The following GALNT13 variants were observed in gnomAD, a reference collection of about 807,000 sequenced individuals.
GALNT13 encodes polypeptide N-acetylgalactosaminyltransferase 13.
Under a neutral mutation model 64.2 loss-of-function variants are expected in GALNT13, and 28 were observed. That is an observed-to-expected ratio of 0.44 (90% confidence interval 0.32 to 0.60). The LOEUF (loss-of-function observed/expected upper bound fraction) is 0.60. Ranked by LOEUF, GALNT13 falls within the 20% of genes least tolerant of loss-of-function variation. The pLI is 0.05. For missense variants in GALNT13, 577 were observed against 669.8 expected (o/e 0.86, Z 1.53); for synonymous variants, 214 against 224.6 (o/e 0.95, Z 0.42).
the GALNT13 span, among the ~76,000 whole-genome samples, chr2:153,162,548 C>G: frequency 6.6e-6 from 1 of 152,096 alleles, no homozygotes; most frequent in South Asian, 2.1e-4. Context: ...AAGAAGTCAG[C>G]CCCCCTGGGA....
At chr2:153,756,715 AT>A in the GALNT13 span, among the ~76,000 whole-genome samples, 1 of 152,190 alleles carries the variant, frequency 6.6e-6, no homozygotes, top group Admixed American at 6.5e-5. Flanking sequence ...AGAATGTACC[AT>A]TGACTAGACT....
intron 9 of GALNT13, among the ~76,000 whole-genome samples, chr2:154,388,125 C>G (rs773237039): frequency 6.6e-6 from 1 of 152,116 alleles, no homozygotes; most frequent in African/African-American, 2.4e-5. Flanking sequence ...AGGTGCGAGA[C>G]GATACCTTAT....
the GALNT13 span, among the ~76,000 whole-genome samples, chr2:153,643,649 A>G: frequency 6.6e-6 from 1 of 152,026 alleles, no homozygotes; most frequent in African/African-American, 2.4e-5. Context: ...ACGGTTAGAA[A>G]AAAAGAGTAG....
chr2:153,393,239 A>T, the GALNT13 span, among the ~76,000 whole-genome samples: 4 of 151,538 alleles, frequency 2.6e-5, no homozygotes, highest in Non-Finnish European at 5.9e-5. Flanking sequence ...TTTATTTTGT[A>T]GTCTCAATAA....
At chr2:153,558,148 T>C in the GALNT13 span, among the ~76,000 whole-genome samples, 1 of 152,294 alleles carries the variant, frequency 6.6e-6, no homozygotes, top group East Asian at 1.9e-4. Flanking sequence ...TGCTCAGAGA[T>C]TACATGCATC....
At chr2:153,726,024 A>G in the GALNT13 span, among the ~76,000 whole-genome samples, 5 of 146,952 alleles carry the variant, frequency 3.4e-5, no homozygotes, top group Non-Finnish European at 5.9e-5. Flanking sequence ...TATGTAAGTT[A>G]TTATTCTGTT....
intron 11 of GALNT13, among the ~76,000 whole-genome samples, chr2:154,417,984 C>A (rs116639993): frequency 0.01 from 1,554 of 151,930 alleles, 26 homozygotes; most frequent in African/African-American, 0.035. Context: ...ATATTTTATT[C>A]TTTAATCATT....
chr2:154,284,842 C>T (rs767451806), intron 8 of GALNT13, among the ~76,000 whole-genome samples: 1 of 152,056 alleles, frequency 6.6e-6, no homozygotes, highest in Non-Finnish European at 1.5e-5. Flanking sequence ...TCTCCACATC[C>T]TCATGTGGAG....
At chr2:153,160,619 G>C in the GALNT13 span, among the ~76,000 whole-genome samples, 2 of 152,126 alleles carry the variant, frequency 1.3e-5, no homozygotes, top group Admixed American at 1.3e-4. Context: ...TAACTCATGA[G>C]AAATAAAAGA....
Position 154,301,435 on chromosome 2 carries a change from G to A in GALNT13, c.1002G>A (p.Glu334=). 2 of 1,612,808 alleles carry A rather than the reference G, an allele frequency of 1.2e-6. No homozygotes were observed. The highest frequency in any genetic ancestry group is 1.7e-6 in the Non-Finnish European group (2 of 1,179,134). ...FRIWQCGGSL[E]IVTCSHVGHV... ...TTTGGCAATGTGGAGGCTCCTTGGA[G>A]ATTGTTACTTGCTCCCATGTTGGTC... The change falls in exon 9 of 13, where the codon GAG becomes GAA. Residue 334 remains glutamate (E), a synonymous_variant. Transcript: ENST00000392825.
intron 3 of GALNT13, among the ~76,000 whole-genome samples, chr2:154,052,958 T>C (rs1421758420): frequency 1.3e-5 from 2 of 152,002 alleles, no homozygotes; most frequent in African/African-American, 4.8e-5. Context: ...AGGATGGTCT[T>C]GATCTCCTGA....
chr2:154,432,421 T>C (rs1700752744), intron 11 of GALNT13, among the ~76,000 whole-genome samples: 1 of 152,200 alleles, frequency 6.6e-6, no homozygotes, highest in African/African-American at 2.4e-5. Flanking sequence ...CTTTAGACAC[T>C]TCAACCAGCA....
At chr2:153,084,471 T>A in the GALNT13 span, among the ~76,000 whole-genome samples, 1 of 152,228 alleles carries the variant, frequency 6.6e-6, no homozygotes, top group Non-Finnish European at 1.5e-5. Context: ...TTAGGTATAG[T>A]CCTGATATGG....
rs540161494 is a variant in GALNT13, at chr2:154,121,238, G to A, written c.143-19099G>A. Among the ~76,000 whole-genome samples, 3 of 152,306 alleles carry A rather than the reference G, an allele frequency of 2.0e-5. No homozygotes were observed. The South Asian group carries it at 6.2e-4, about 32-fold the overall frequency. On this transcript the variant is annotated intron_variant, in intron 3 of 12. Coordinates refer to ENST00000392825, the MANE Select transcript of GALNT13 (RefSeq NM_052917.4). ...AATTTTCAGAAGGTTATTGTGGTCT[G>A]TGGAAAGTTGCTAGGTGAACTTTCT...
the GALNT13 span, among the ~76,000 whole-genome samples, chr2:153,139,664 G>T: frequency 1.3e-5 from 2 of 151,976 alleles, no homozygotes. Flanking sequence ...AGACAAAGTA[G>T]GAAATGGCAA....
chr2:154,103,558 T>TA lies in GALNT13; in HGVS notation c.143-36778dup, dbSNP rs143130864. Among the ~76,000 whole-genome samples, 371 of 152,316 alleles carry TA rather than the reference T, an allele frequency of 2.4e-3. 4 individuals carry two copies. Among genetic ancestry groups the TA allele is most frequent in the African/African-American group, 8.1e-3 (337 of 41,574 alleles). On this transcript the variant is annotated intron_variant, in intron 3 of 12. Coordinates refer to ENST00000392825, the MANE Select transcript of GALNT13 (RefSeq NM_052917.4). ...GATATTGAAACACTTTGTCTTTTTG[T>TA]ACTGCTGGAGTTCTTGGGCTGACTC...
chr2:154,408,973 G>T lies in GALNT13; in HGVS notation c.1297-11G>T. ...ATGTTTTATCCCCCCCCTTTTGTGT[G>T]TTTCCTTTAGATAAGAAATGTTGAA... On this transcript the variant is annotated splice_polypyrimidine_tract_variant and intron_variant, in intron 10 of 12. Coordinates refer to ENST00000392825, the MANE Select transcript of GALNT13 (RefSeq NM_052917.4). 6.4e-7 allele frequency: 1 copy of T among 1,564,670 alleles called. No homozygotes were observed. Among genetic ancestry groups the T allele is most frequent in the African/African-American group, 1.4e-5 (1 of 73,698 alleles).
chr2:154,423,676 A>G (rs528686092), intron 11 of GALNT13, among the ~76,000 whole-genome samples: 21 of 152,306 alleles, frequency 1.4e-4, no homozygotes, highest in African/African-American at 5.1e-4. Context: ...ACAAGTTAAA[A>G]TTGTTCTCTG....
the GALNT13 span, among the ~76,000 whole-genome samples, chr2:153,471,245 T>C: frequency 6.6e-6 from 1 of 152,206 alleles, no homozygotes; most frequent in African/African-American, 2.4e-5. Flanking sequence ...TTAAATTCCA[T>C]GATTCTTTGC....
Sources: gnomAD v4.1 joint callset for allele counts (sites outside exome capture counted in the v4.1 genomes callset) on GRCh38, gnomAD v4.1.1 for gene constraint, MANE v1.5 for transcripts, NCBI Gene and HGNC (gene_info 2026-07-23, HGNC 2026-07-21) for gene names.